Variants in SSBP2 observed in about 807,000 individuals in gnomAD.
SSBP2 encodes single-stranded DNA-binding protein 2.
SSBP2 carries 17 observed loss-of-function variants against 61.8 expected under a neutral mutation model. The observed-to-expected ratio is 0.28, with a 90% CI of 0.19 to 0.41. The LOEUF is 0.41. SSBP2 is among the 10% of genes least tolerant of loss of function. The pLI, the probability that SSBP2 is intolerant of heterozygous loss-of-function variation, is 1.00. For missense variants in SSBP2, 310 were observed against 458.7 expected (o/e 0.68, Z 2.96); for synonymous variants, 139 against 141.3 (o/e 0.98, Z 0.12).
At chr5:81,592,369 C>G (rs972055845) in intron 4 of SSBP2, among the ~76,000 whole-genome samples, 1 of 152,222 alleles carries the variant, frequency 6.6e-6, no homozygotes, top group Non-Finnish European at 1.5e-5. Flanking sequence ...GAGCCCACCA[C>G]AGCTCAAGGA....
chr5:81,457,919 C>G (rs1764275074), intron 10 of SSBP2, among the ~76,000 whole-genome samples: 1 of 152,118 alleles, frequency 6.6e-6, no homozygotes, highest in African/African-American at 2.4e-5. Context: ...GCCTCGGCCT[C>G]CCAAAGTACA....
At chr5:81,502,770 A>G (rs995586423) in intron 5 of SSBP2, among the ~76,000 whole-genome samples, 1 of 152,202 alleles carries the variant, frequency 6.6e-6, no homozygotes, top group Non-Finnish European at 1.5e-5. Flanking sequence ...TTGCCAACAC[A>G]TATCCAAACT....
intron 5 of SSBP2, among the ~76,000 whole-genome samples, chr5:81,498,238 A>G (rs780369974): frequency 1.3e-5 from 2 of 152,128 alleles, no homozygotes; most frequent in Non-Finnish European, 2.9e-5. Context: ...GTTATTTGCC[A>G]AAAAGTAATT....
chr5:81,476,193 A>G (rs564411032), intron 6 of SSBP2, among the ~76,000 whole-genome samples: 1 of 152,244 alleles, frequency 6.6e-6, no homozygotes, highest in African/African-American at 2.4e-5. Context: ...AATTCCCCCA[A>G]TAAGAATATT....
At chr5:81,705,608 T>G (rs904455299) in intron 1 of SSBP2, among the ~76,000 whole-genome samples, 2 of 152,172 alleles carry the variant, frequency 1.3e-5, no homozygotes, top group Non-Finnish European at 2.9e-5. Context: ...TGTAAAAAAC[T>G]AATTATTTTA....
At chr5:81,483,201 G>A (rs766282467) in intron 6 of SSBP2, among the ~76,000 whole-genome samples, 38 of 152,026 alleles carry the variant, frequency 2.5e-4, no homozygotes, top group Non-Finnish European at 4.9e-4. Flanking sequence ...TAATATGAGA[G>A]TTACCAAAAC....
At chr5:81,440,176 C>T (rs1179036250) in intron 14 of SSBP2, among the ~76,000 whole-genome samples, 3 of 151,652 alleles carry the variant, frequency 2.0e-5, no homozygotes, top group Non-Finnish European at 4.4e-5. Context: ...ACTGTGTCCA[C>T]AGAACTCTAG....
chr5:81,744,890 C>G (rs1048697790), intron 1 of SSBP2, among the ~76,000 whole-genome samples: 1 of 151,894 alleles, frequency 6.6e-6, no homozygotes, highest in Non-Finnish European at 1.5e-5. Context: ...AGAAATGACA[C>G]CAACTGAAGT....
chr5:81,425,877 T>C (rs2153898181), intron 16 of SSBP2, among the ~76,000 whole-genome samples: 1 of 152,302 alleles, frequency 6.6e-6, no homozygotes, highest in South Asian at 2.1e-4. Flanking sequence ...GAGACTAGGA[T>C]AGTATCTAGT....
chr5:81,429,655 C>T (rs1203749228), intron 15 of SSBP2, among the ~76,000 whole-genome samples: 1 of 151,868 alleles, frequency 6.6e-6, no homozygotes, highest in East Asian at 1.9e-4. Flanking sequence ...CTTACTTTTT[C>T]CTAAGCCATT....
rs1268412465 is a variant in SSBP2, at chr5:81,712,724, C to G, written c.62+38257G>C. Among the ~76,000 whole-genome samples, 19 of 109,880 alleles carry G rather than the reference C, an allele frequency of 1.7e-4. 1 individual carries two copies. Among genetic ancestry groups the G allele is most frequent in the South Asian group, 3.1e-4 (1 of 3,254 alleles). 72.1% of individuals were successfully genotyped at this position (109,880 alleles called of 152,430 possible). On this transcript the variant is annotated intron_variant, in intron 1 of 16. Coordinates refer to ENST00000320672, the MANE Select transcript of SSBP2 (RefSeq NM_012446.5). Reference sequence around the variant, plus strand: ...AAGTAAAGGGACTTTTTGTTTGTTTCTTTGTTTTTTTTTTTTTGTTTTTTT... The same window carrying G: ...AAGTAAAGGGACTTTTTGTTTGTTTGTTTGTTTTTTTTTTTTTGTTTTTTT...
intron 15 of SSBP2, among the ~76,000 whole-genome samples, chr5:81,429,974 G>A (rs1196189205): frequency 1.3e-5 from 2 of 152,174 alleles, no homozygotes; most frequent in Non-Finnish European, 1.5e-5. Flanking sequence ...GCATAAAGAG[G>A]ATTCTATTTT....
In SSBP2 at chr5:81,415,922, A is replaced by AAAAAAAAAAAAAAAAGGAAAAG. The variant is rs766994399; in HGVS notation, c.*4581_*4582insCTTTTCCTTTTTTTTTTTTTTT. 1 of 73,744 alleles carries AAAAAAAAAAAAAAAAGGAAAAG rather than the reference A, an allele frequency of 1.4e-5. No individual in the cohort carries two copies. Among genetic ancestry groups the AAAAAAAAAAAAAAAAGGAAAAG allele is most frequent in the African/African-American group, 1.5e-4 (1 of 6,788 alleles). 4.6% of individuals were successfully genotyped at this position (73,744 alleles called of 1,614,324 possible). ...GCAAGATTCTGACTCAAAAAAAAAA[A>AAAAAAAAAAAAAAAAGGAAAAG]AAAAAAAGAGGAAAACCTGATCAAG... On this transcript the variant is annotated 3_prime_UTR_variant, in exon 17 of 17. Coordinates refer to ENST00000320672, the MANE Select transcript of SSBP2 (RefSeq NM_012446.5).
chr5:81,639,631 A>G (rs1382644164), intron 2 of SSBP2, among the ~76,000 whole-genome samples: 2 of 152,282 alleles, frequency 1.3e-5, no homozygotes, highest in Non-Finnish European at 2.9e-5. Context: ...TCTCAAAAAA[A>G]AAAAACTCTA....
chr5:81,463,230 G>C (rs1338596845), intron 9 of SSBP2, among the ~76,000 whole-genome samples: 1 of 152,040 alleles, frequency 6.6e-6, no homozygotes, highest in East Asian at 1.9e-4. Context: ...AAAAGTGAGG[G>C]TTATAGTAGG....
intron 15 of SSBP2, among the ~76,000 whole-genome samples, chr5:81,435,652 A>G (rs927579747): frequency 3.9e-5 from 6 of 152,200 alleles, no homozygotes; most frequent in African/African-American, 1.4e-4. Context: ...ACTTTTTAAA[A>G]ATTTTAAACT....
At chr5:81,675,690 T>C (rs1751917552) in intron 1 of SSBP2, among the ~76,000 whole-genome samples, 2 of 152,172 alleles carry the variant, frequency 1.3e-5, no homozygotes, top group African/African-American at 4.8e-5. Context: ...AGCCTTCCCA[T>C]AATACAAGTT....
At chr5:81,592,069 G>A (rs983592369) in intron 4 of SSBP2, among the ~76,000 whole-genome samples, 1 of 152,246 alleles carries the variant, frequency 6.6e-6, no homozygotes, top group African/African-American at 2.4e-5. Flanking sequence ...AGGGGTCAGG[G>A]AATTCCCTTT....
chr5:81,747,755 A>C (rs1581472815), intron 1 of SSBP2, among the ~76,000 whole-genome samples: 1 of 152,200 alleles, frequency 6.6e-6, no homozygotes, highest in East Asian at 1.9e-4. Flanking sequence ...TACCCTCAAC[A>C]AACTTATATT....
Sources: allele counts gnomAD v4.1 joint callset (sites outside exome capture counted in the v4.1 genomes callset), GRCh38; gene constraint gnomAD v4.1.1; transcripts MANE v1.5; gene names NCBI Gene and HGNC (gene_info 2026-07-23, HGNC 2026-07-21).